Variants in HNRNPU observed in about 807,000 individuals in gnomAD.
HNRNPU encodes HNRNPU antisense RNA 1.
In HNRNPU, 5 loss-of-function variants were observed where a neutral mutation model predicts 94.7. That is an observed-to-expected ratio of 0.05 (90% CI 0.03 to 0.11). HNRNPU has a LOEUF of 0.11. HNRNPU is among the 10% of genes least tolerant of loss of function. The probability of loss-of-function intolerance (pLI) is 1.00; values close to 1 mark genes in which losing one functional copy is unlikely to be tolerated. For missense variants in HNRNPU, 710 were observed against 1,049.2 expected (o/e 0.68, Z 4.47); for synonymous variants, 434 against 381.6 (o/e 1.14, Z -1.60).
chr1:244,854,734 T>C, intron 13 of HNRNPU: 1 of 535,102 alleles, frequency 1.9e-6, no homozygotes, highest in Admixed American at 3.5e-5. Context: ...AAGCTAGCAG[T>C]AAAAGAACTG....
Position 244,854,487 on chromosome 1 carries a change from T to C in HNRNPU, c.2441A>G (p.Lys814Arg). 6.2e-7 allele frequency: 1 copy of C among 1,608,224 alleles called. No homozygotes were observed. Among genetic ancestry groups the C allele is most frequent in the Non-Finnish European group, 8.5e-7 (1 of 1,175,058 alleles). Residue 814 changes from lysine (K) to arginine (R), a missense_variant, in exon 14 of 14, where the codon AAG (lysine) becomes AGG (arginine). Transcript: ENST00000640218. ...TTGGTGATAATGCTGACTCCATGGC[T>C]TCTGACCCCAGAATTGCTGTAAGAG... ...QWQQGQFWGQ[K>R]PWSQHYHQGY...
At chr1:244,854,573 CA>C in intron 13 of HNRNPU, 70 bp from the exon 14 acceptor site, 1 of 992,826 alleles carries the variant, frequency 1.0e-6, no homozygotes, top group South Asian at 1.3e-5. Flanking sequence ...TAGGAAATGA[CA>C]ATGAATCTAA....
chr1:244,857,036 C>G (rs1320663922), intron 8 of HNRNPU, 180 bp from the exon 9 acceptor site: 7 of 499,250 alleles, frequency 1.4e-5, no homozygotes, highest in Non-Finnish European at 2.1e-5. Context: ...CTTACACTTA[C>G]TCAATTCTTT....
Position 244,854,198 on chromosome 1 carries a change from G to T in HNRNPU, c.*252C>A. 2.8e-5 allele frequency: 10 copies of T among 361,104 alleles called. No homozygotes were observed. The highest frequency in any genetic ancestry group is 9.8e-5 in the Admixed American group (2 of 20,386). 22.4% of individuals were successfully genotyped at this position (361,104 alleles called of 1,614,324 possible). ...AAAAGTCACATTTTACAGATAAAAT[G>T]TAGAACCCTGAAATACTGACACATT... is the stretch of plus-strand genomic sequence containing the variant. On this transcript the variant is annotated 3_prime_UTR_variant, in exon 14 of 14. Transcript: ENST00000640218.
At chr1:244,862,573 C>G in intron 2 of HNRNPU, 39 bp from the exon 3 acceptor site, 1 of 1,609,250 alleles carries the variant, frequency 6.2e-7, no homozygotes. Context: ...GCTTTCCGAT[C>G]AACGAACGAA....
Position 244,863,988 on chromosome 1 carries a change from C to CCTA in HNRNPU, c.317_319dup (p.Leu106_Gly107insVal). 2 of 1,613,800 alleles carry CCTA rather than the reference C, an allele frequency of 1.2e-6. No homozygotes were observed. The highest frequency in any genetic ancestry group is 2.2e-5 in the South Asian group (2 of 91,064). ...CGCCCCCGCGGCCCCGTTCTCCTCT[C>CCTA]CTAGCTCCATCTGGTCGCCGTCCAG... On this transcript the variant is annotated inframe_insertion, in exon 1 of 14. Coordinates refer to ENST00000640218, the MANE Select transcript of HNRNPU (RefSeq NM_031844.3).
intron 12 of HNRNPU, 133 bp from the exon 13 acceptor site, chr1:244,855,177 G>C (rs925144843): frequency 2.6e-6 from 2 of 763,314 alleles, no homozygotes; most frequent in East Asian, 5.1e-5. Context: ...ACAAATTCTG[G>C]ATACCCTCTG....
chr1:244,860,880 G>A (rs1412334814), intron 3 of HNRNPU: 2 of 203,948 alleles, frequency 9.8e-6, no homozygotes, highest in Non-Finnish European at 1.9e-5. Flanking sequence ...GGGAGGCCAC[G>A]ACCAAATTAT....
chr1:244,857,351 T>C lies in HNRNPU; in HGVS notation c.1614+247A>G, dbSNP rs576297882. ...ACCTCTGCCTCCCAGGTTCAAGTAATTGTCCCTGCCTCAACCTCCCGAGCA... is the reference window on the plus strand; with the variant it reads ...ACCTCTGCCTCCCAGGTTCAAGTAACTGTCCCTGCCTCAACCTCCCGAGCA... On this transcript the variant is annotated intron_variant, in intron 8 of 13. Transcript: ENST00000640218. 7.0e-4 allele frequency: 252 copies of C among 361,196 alleles called. 1 individual carries two copies. The highest frequency in any genetic ancestry group is 4.9e-3 in the African/African-American group (231 of 46,902). The allele number at this position is 361,196 out of a possible 1,614,324, so 22.4% of individuals were successfully genotyped here.
chr1:244,863,420 A>ACACACACACGCGCG, intron 1 of HNRNPU, among the ~76,000 whole-genome samples, 197 bp downstream of exon 1: 2 of 138,880 alleles, frequency 1.4e-5, no homozygotes, highest in Middle Eastern at 3.8e-3. Flanking sequence ...ACACACACAC[A>ACACACACACGCGCG]CGCGCGCGCG....
At chr1:244,855,083 A>G (rs963055537) in intron 12 of HNRNPU, 39 bp from the exon 13 acceptor site, 11 of 1,523,968 alleles carry the variant, frequency 7.2e-6, no homozygotes, top group African/African-American at 1.4e-5. Context: ...TCTGAGCCCA[A>G]TTGCTTGTTA....
chr1:244,858,770 C>G lies in HNRNPU; in HGVS notation c.1189G>C (p.Gly397Arg). ...ACATCATTTTCATCAAACTTTTCTC[C>G]ATAATCTTCAGTCTCACAGTTGCAT... ...KTCNCETEDYGEKFDENDVIT... is the reference protein window; with the variant it reads ...KTCNCETEDYREKFDENDVIT... The change falls in exon 6 of 14, where the codon GGA becomes CGA. Residue 397 changes from glycine (G) to arginine (R), a missense_variant. Transcript: ENST00000640218. 1.3e-6 allele frequency: 2 copies of G among 1,599,134 alleles called. No individual in the cohort carries two copies. The highest frequency in any genetic ancestry group is 1.7e-6 in the Non-Finnish European group (2 of 1,167,162).
Position 244,860,310 on chromosome 1 carries a change from A to G in HNRNPU, c.1017+25T>C, listed in dbSNP as rs749822370. 6 of 1,602,150 alleles carry G rather than the reference A, an allele frequency of 3.7e-6. No individual in the cohort carries two copies. In the South Asian group the frequency reaches 6.7e-5, roughly 18 times the overall value. ...AGTGAGACTGTCTCCACAAACAAAC[A>G]AACAAATCATAAAATTGCATTTACC... On this transcript the variant is annotated intron_variant, in intron 4 of 13. Coordinates refer to ENST00000640218, the MANE Select transcript of HNRNPU (RefSeq NM_031844.3).
At chr1:244,857,937 G>T (rs1449535634) in intron 7 of HNRNPU, 74 bp downstream of exon 7, 4 of 1,438,492 alleles carry the variant, frequency 2.8e-6, no homozygotes, top group Admixed American at 2.2e-5. Flanking sequence ...TAATCATCTA[G>T]TTCTTCTAAA....
rs754622517 is a variant in HNRNPU at position 244,859,422 on chromosome 1, A to T, written c.1018-48T>A. ...ATTAAAATAATACACCAAGGAGGTAACCCCTTAACTCTCGCATATTTCATT... is the reference window on the plus strand; with the variant it reads ...ATTAAAATAATACACCAAGGAGGTATCCCCTTAACTCTCGCATATTTCATT... On this transcript the variant is annotated intron_variant, in intron 4 of 13. Coordinates refer to ENST00000640218, the MANE Select transcript of HNRNPU (RefSeq NM_031844.3). 3.3e-6 allele frequency: 3 copies of T among 913,450 alleles called. No homozygotes were observed. In the South Asian group the frequency reaches 4.0e-5, roughly 12 times the overall value. The allele number at this position is 913,450 out of a possible 1,614,324, so 56.6% of individuals were successfully genotyped here. A position where few individuals can be genotyped will look rare whatever the true frequency, so the allele number is the denominator to read the frequency against.
Position 244,860,180 on chromosome 1 carries a change from G to T in HNRNPU, c.1017+155C>A, listed in dbSNP as rs1034698883. ...CCAGGTGTGGTAGTGTGTGCCTCTAGTCCGAGCTACTTGAGAGACTGAAGC... is the reference window on the plus strand; with the variant it reads ...CCAGGTGTGGTAGTGTGTGCCTCTATTCCGAGCTACTTGAGAGACTGAAGC... On this transcript the variant is annotated intron_variant, in intron 4 of 13. Coordinates refer to ENST00000640218, the MANE Select transcript of HNRNPU (RefSeq NM_031844.3). 12 of 593,338 alleles carry T rather than the reference G, an allele frequency of 2.0e-5. No individual in the cohort carries two copies. In the African/African-American group the frequency reaches 2.3e-4, roughly 11 times the overall value. 36.8% of individuals were successfully genotyped at this position (593,338 alleles called of 1,614,324 possible).
At position 244,860,802 on chromosome 1, in the gene HNRNPU, G is replaced by A. The variant is rs1258577885; in HGVS notation, c.878-328C>T. The stretch of plus-strand genomic sequence containing the variant: ...CTTGATTTAGAGGCAAGCAGTAGAG[G>A]ATAGCAGGAAATCAAAGTGAAGCAT... On this transcript the variant is annotated intron_variant, in intron 3 of 13. Coordinates refer to ENST00000640218, the MANE Select transcript of HNRNPU (RefSeq NM_031844.3). 6 of 322,748 alleles carry A rather than the reference G, an allele frequency of 1.9e-5. No individual in the cohort carries two copies. In the East Asian group the frequency reaches 2.4e-4, roughly 13 times the overall value. 20.0% of individuals were successfully genotyped at this position (322,748 alleles called of 1,614,324 possible). A position where few individuals can be genotyped will look rare whatever the true frequency, so the allele number is the denominator to read the frequency against.
intron 11 of HNRNPU, 24 bp downstream of exon 11, chr1:244,855,880 A>C (rs750629405): frequency 6.2e-7 from 1 of 1,612,156 alleles, no homozygotes; most frequent in Non-Finnish European, 8.5e-7. Flanking sequence ...TGAACTAAAT[A>C]CAGAACACTC....
At chr1:244,863,559 C>T (rs1272407647) in intron 1 of HNRNPU, 58 bp downstream of exon 1, 1 of 1,319,014 alleles carries the variant, frequency 7.6e-7, no homozygotes, top group East Asian at 3.2e-5. Context: ...AGGCCTGGGG[C>T]ACGGTCCCCA....
Sources: allele counts gnomAD v4.1 joint callset (sites outside exome capture counted in the v4.1 genomes callset), GRCh38; gene constraint gnomAD v4.1.1; transcripts MANE v1.5; gene names NCBI Gene and HGNC (gene_info 2026-07-23, HGNC 2026-07-21).